TACR3: variants seen among roughly 807,000 people sequenced by gnomAD.
The protein encoded by TACR3 is tachykinin receptor 3.
In TACR3, 34 loss-of-function variants were observed where a neutral mutation model predicts 35.0. The ratio of observed to expected loss-of-function variants is 0.97; its 90% CI spans 0.74 to 1.30. TACR3 has a LOEUF of 1.30. Ranked by LOEUF, TACR3 falls within the 50% of genes most tolerant of loss-of-function variation. The pLI is 0.00. For missense variants in TACR3, 558 were observed against 591.7 expected (o/e 0.94, Z 0.59); for synonymous variants, 233 against 221.1 (o/e 1.05, Z -0.48).
At chr4:103,695,616 C>T (rs1436797397) in intron 1 of TACR3, among the ~76,000 whole-genome samples, 1 of 151,780 alleles carries the variant, frequency 6.6e-6, no homozygotes, top group East Asian at 1.9e-4. Context: ...TCGTGGGGTT[C>T]AAAATTATAC....
At position 103,672,501 on chromosome 4, in the gene TACR3, G is replaced by A. The variant is rs538357238; in HGVS notation, c.549-14098C>T. On this transcript the variant is annotated intron_variant, in intron 1 of 4. Transcript: ENST00000304883. ...TTGGGTTACTAGGTGCATTGCCAAT[G>A]AGCAGTGATATTTTGAAAGGAATCT... 2.6e-5 allele frequency among the ~76,000 whole-genome samples: 4 copies of A among 152,232 alleles called. 1 individual carries two copies. The South Asian group carries it at 6.2e-4, about 24-fold the overall frequency.
chr4:103,718,676 G>A (rs1723142026), intron 1 of TACR3, among the ~76,000 whole-genome samples: 1 of 152,156 alleles, frequency 6.6e-6, no homozygotes, highest in Non-Finnish European at 1.5e-5. Flanking sequence ...AGACAGAAGA[G>A]GGAAGGGTGG....
At chr4:103,626,986 A>T (rs1724906674) in intron 3 of TACR3, among the ~76,000 whole-genome samples, 1 of 151,296 alleles carries the variant, frequency 6.6e-6, no homozygotes. Flanking sequence ...CAGCCTGGCC[A>T]ACATAGCAAA....
chr4:103,647,010 C>T (rs11939499), intron 3 of TACR3, among the ~76,000 whole-genome samples: 1,584 of 151,954 alleles, frequency 0.01, 32 homozygotes, highest in African/African-American at 0.037. Context: ...TACTCATTTC[C>T]TCCTTACAGT....
chr4:103,595,480 A>C (rs1723984739), intron 3 of TACR3, among the ~76,000 whole-genome samples: 1 of 152,172 alleles, frequency 6.6e-6, no homozygotes, highest in Non-Finnish European at 1.5e-5. Context: ...ATGTCCTCAT[A>C]TATTAGTGAG....
In TACR3 at chr4:103,598,234, G is replaced by A. The variant is rs576117483; in HGVS notation, c.889-6551C>T. 6.6e-5 allele frequency among the ~76,000 whole-genome samples: 10 copies of A among 152,174 alleles called. No individual in the cohort carries two copies. The South Asian group carries it at 1.2e-3, about 19-fold the overall frequency. ...GTGAGCATTTTTTCATGTGTTTTTC[G>A]GCTGCATAAATGTCTTCTTTTGAGA... On this transcript the variant is annotated intron_variant, in intron 3 of 4. Coordinates refer to ENST00000304883, the MANE Select transcript of TACR3 (RefSeq NM_001059.3).
chr4:103,689,459 A>T (rs1001705778), intron 1 of TACR3, among the ~76,000 whole-genome samples: 3 of 152,166 alleles, frequency 2.0e-5, no homozygotes, highest in African/African-American at 2.4e-5. Flanking sequence ...GCAATGATTC[A>T]TCAAATACAG....
intron 3 of TACR3, among the ~76,000 whole-genome samples, chr4:103,642,981 G>A (rs1173614855): frequency 6.6e-6 from 1 of 151,676 alleles, no homozygotes; most frequent in Admixed American, 6.6e-5. Flanking sequence ...AAAGGCAAGT[G>A]AATTTCTATG....
At chr4:103,698,562 A>G (rs1325962210) in intron 1 of TACR3, among the ~76,000 whole-genome samples, 1 of 110,634 alleles carries the variant, frequency 9.0e-6, no homozygotes. Flanking sequence ...TTTTTTGGTA[A>G]AATAAAGAAC....
intron 3 of TACR3, among the ~76,000 whole-genome samples, chr4:103,600,306 C>G (rs1309160483): frequency 3.3e-5 from 5 of 152,120 alleles, no homozygotes; most frequent in African/African-American, 9.7e-5. Flanking sequence ...TTGATATCCC[C>G]TTTATCATTT....
intron 1 of TACR3, among the ~76,000 whole-genome samples, chr4:103,713,319 G>A (rs1327249591): frequency 6.6e-6 from 1 of 151,936 alleles, no homozygotes; most frequent in Non-Finnish European, 1.5e-5. Context: ...GTTGTCCTTT[G>A]TAGGGACATG....
chr4:103,590,834 C>A (rs1279562271), intron 4 of TACR3, among the ~76,000 whole-genome samples: 2 of 151,938 alleles, frequency 1.3e-5, no homozygotes, highest in Admixed American at 6.6e-5. Context: ...CAGATTTTAT[C>A]TTTTTTTTCT....
At chr4:103,711,637 T>C (rs1049579103) in intron 1 of TACR3, among the ~76,000 whole-genome samples, 4 of 152,174 alleles carry the variant, frequency 2.6e-5, no homozygotes, top group African/African-American at 4.8e-5. Flanking sequence ...TTGGAAGTTC[T>C]GGCCAGGGCA....
intron 3 of TACR3, among the ~76,000 whole-genome samples, chr4:103,601,081 G>T (rs1467361639): frequency 6.6e-6 from 1 of 152,142 alleles, no homozygotes; most frequent in African/African-American, 2.4e-5. Context: ...CATTATTATT[G>T]TGTGGAGTCT....
Position 103,715,674 on chromosome 4 carries a change from T to A in TACR3, c.548+3454A>T, listed in dbSNP as rs188143147. Among the ~76,000 whole-genome samples, 966 of 152,312 alleles carry A rather than the reference T, an allele frequency of 6.3e-3. 7 individuals carry two copies. The highest frequency in any genetic ancestry group is 0.01 in the Non-Finnish European group (688 of 68,024). On this transcript the variant is annotated intron_variant, in intron 1 of 4. Coordinates refer to ENST00000304883, the MANE Select transcript of TACR3 (RefSeq NM_001059.3). ...TGGATCATATGCCCTGAAATTTTCA[T>A]TTACTATATGTTATAATAAAACTTC...
chr4:103,614,889 T>TTTG (rs1368049196), intron 3 of TACR3, among the ~76,000 whole-genome samples: 5 of 100,720 alleles, frequency 5.0e-5, no homozygotes, highest in African/African-American at 1.9e-4. Flanking sequence ...AATGTGTTTT[T>TTTG]TTTTTTTTTT....
rs377383963 is a variant in TACR3 at position 103,589,832 on chromosome 4, G to A, written c.1248C>T (p.Asn416=). The A allele has an allele frequency of 2.9e-5, 46 of 1,613,778 alleles. No homozygotes were observed. The highest frequency in any genetic ancestry group is 3.6e-5 in the Non-Finnish European group (42 of 1,179,846). Reference sequence around the variant, plus strand: ...GACTGGACCTGGTGGTGTCTGCATCGTTGGGGTCAAACACGACTGTCATGG... The same window carrying A: ...GACTGGACCTGGTGGTGTCTGCATCATTGGGGTCAAACACGACTGTCATGG... ...MESMTVVFDP[N]DADTTRSSRK... Residue 416 remains asparagine (N), a synonymous_variant, in exon 5 of 5, where the codon AAC becomes AAT. Coordinates refer to ENST00000304883, the MANE Select transcript of TACR3 (RefSeq NM_001059.3).
At chr4:103,666,343 G>A (rs1459798583) in intron 1 of TACR3, among the ~76,000 whole-genome samples, 1 of 152,112 alleles carries the variant, frequency 6.6e-6, no homozygotes, top group African/African-American at 2.4e-5. Context: ...GAACAGCAAA[G>A]TCCTGAGGTA....
chr4:103,607,317 G>T (rs1273918444), intron 3 of TACR3, among the ~76,000 whole-genome samples: 1 of 151,982 alleles, frequency 6.6e-6, no homozygotes, highest in Admixed American at 6.6e-5. Flanking sequence ...AATTTTGAAG[G>T]TATCTTTTGA....
Sources: gnomAD v4.1 joint callset for allele counts (sites outside exome capture counted in the v4.1 genomes callset) on GRCh38, gnomAD v4.1.1 for gene constraint, MANE v1.5 for transcripts, NCBI Gene and HGNC (gene_info 2026-07-23, HGNC 2026-07-21) for gene names.